Variants in GOLM2 observed in about 807,000 individuals in gnomAD.
The protein encoded by GOLM2 is protein GOLM2.
A neutral mutation model predicts 55.9 loss-of-function variants in GOLM2; 26 were observed. The observed-to-expected ratio is 0.47, with a 90% CI of 0.34 to 0.65. The LOEUF is 0.65. GOLM2 is among the 30% of genes least tolerant of loss of function. The pLI is 0.01. For synonymous variants in GOLM2, 165 were observed against 194.6 expected (o/e 0.85, Z 1.27); for missense variants, 486 against 531.8 (o/e 0.91, Z 0.85).
At position 44,415,189 on chromosome 15, in the gene GOLM2, T is replaced by C. The variant is rs1415398068; in HGVS notation, c.*1783T>C. 1 of 152,612 alleles carries C rather than the reference T, an allele frequency of 6.6e-6. No individual in the cohort carries two copies. Among genetic ancestry groups the C allele is most frequent in the African/African-American group, 2.4e-5 (1 of 41,454 alleles). The allele number at this position is 152,612 out of a possible 1,614,324, so 9.5% of individuals were successfully genotyped here. On this transcript the variant is annotated 3_prime_UTR_variant, in exon 10 of 10. Coordinates refer to ENST00000299957, the MANE Select transcript of GOLM2 (RefSeq NM_138423.4). ...TAGTAGTTTACTAAAATTGTTTTTC[T>C]ACCATATCAAATTAAACAATTCATG...
chr15:44,334,117 TATTA>T (rs751973510), intron 4 of GOLM2, among the ~76,000 whole-genome samples: 9 of 152,322 alleles, frequency 5.9e-5, no homozygotes, highest in Non-Finnish European at 1.2e-4. Flanking sequence ...ATTTTTATGT[TATTA>T]ATTAACTAAT....
chr15:44,377,851 G>T (rs1426398769), intron 6 of GOLM2, among the ~76,000 whole-genome samples: 1 of 151,034 alleles, frequency 6.6e-6, no homozygotes, highest in East Asian at 1.9e-4. Flanking sequence ...TAATTTTAAG[G>T]TATACAGTAT....
intron 6 of GOLM2, among the ~76,000 whole-genome samples, chr15:44,358,829 A>G (rs1466304341): frequency 6.6e-6 from 1 of 152,156 alleles, no homozygotes; most frequent in Admixed American, 6.6e-5. Context: ...CGATCCATGA[A>G]AGAAATAATT....
chr15:44,359,873 C>A (rs2079225029), intron 6 of GOLM2, among the ~76,000 whole-genome samples: 1 of 152,084 alleles, frequency 6.6e-6, no homozygotes, highest in South Asian at 2.1e-4. Flanking sequence ...ACTCGATAAG[C>A]CAGAAGAGAG....
chr15:44,356,769 A>G (rs1295273079), intron 6 of GOLM2, among the ~76,000 whole-genome samples: 1 of 152,192 alleles, frequency 6.6e-6, no homozygotes, highest in Non-Finnish European at 1.5e-5. Context: ...CTACAGACCA[A>G]TGTCTCTCAT....
intron 1 of GOLM2, among the ~76,000 whole-genome samples, chr15:44,313,797 G>A (rs1355492186): frequency 6.6e-6 from 1 of 152,084 alleles, no homozygotes; most frequent in Admixed American, 6.5e-5. Flanking sequence ...CTCACTAAGT[G>A]CTTTATAAAT....
At chr15:44,374,952 T>G (rs2079354225) in intron 6 of GOLM2, among the ~76,000 whole-genome samples, 1 of 152,344 alleles carries the variant, frequency 6.6e-6, no homozygotes, top group Admixed American at 6.5e-5. Flanking sequence ...ATTTTTCCCC[T>G]GGCTCTCTGG....
intron 2 of GOLM2, among the ~76,000 whole-genome samples, chr15:44,325,588 A>G (rs1304089279): frequency 1.3e-5 from 2 of 152,222 alleles, no homozygotes; most frequent in East Asian, 3.8e-4. Flanking sequence ...TGAGTCCGAA[A>G]GATCACCAAT....
In GOLM2 at chr15:44,390,709, AC is replaced by A. The variant is rs2079481805; in HGVS notation, c.1072+9734del. Reference sequence around the variant, plus strand: ...CTCAGCCTCCCAAGTAACTGGGATTACAGGCATGCACCACCACGCCCGGCTA... The same window carrying A: ...CTCAGCCTCCCAAGTAACTGGGATTAAGGCATGCACCACCACGCCCGGCTA... On this transcript the variant is annotated intron_variant, in intron 8 of 9. Coordinates refer to ENST00000299957, the MANE Select transcript of GOLM2 (RefSeq NM_138423.4). 2.6e-5 allele frequency among the ~76,000 whole-genome samples: 4 copies of A among 152,070 alleles called. No individual in the cohort carries two copies. The South Asian group carries it at 8.3e-4, about 32-fold the overall frequency.
intron 6 of GOLM2, among the ~76,000 whole-genome samples, chr15:44,344,069 G>C (rs1412632528): frequency 1.3e-5 from 2 of 151,590 alleles, no homozygotes; most frequent in African/African-American, 2.4e-5. Context: ...AGACCAGCCT[G>C]AGCAACATGA....
chr15:44,410,137 C>T (rs1042104898), intron 9 of GOLM2, among the ~76,000 whole-genome samples: 8 of 151,848 alleles, frequency 5.3e-5, no homozygotes, highest in Non-Finnish European at 8.8e-5. Context: ...TGATTATTTT[C>T]CCTTTTAAAA....
chr15:44,376,332 G>A (rs2079364906), intron 6 of GOLM2, among the ~76,000 whole-genome samples: 1 of 152,150 alleles, frequency 6.6e-6, no homozygotes, highest in South Asian at 2.1e-4. Flanking sequence ...GGAGTGCAGT[G>A]GTGGCTCACT....
At chr15:44,365,012 ATGATCC>A (rs2141177285) in intron 6 of GOLM2, among the ~76,000 whole-genome samples, 1 of 152,324 alleles carries the variant, frequency 6.6e-6, no homozygotes, top group Admixed American at 6.5e-5. Context: ...CTTTGACCGT[ATGATCC>A]TGAAATCTTA....
intron 3 of GOLM2, among the ~76,000 whole-genome samples, chr15:44,331,745 A>G (rs1336783747): frequency 6.6e-6 from 1 of 152,126 alleles, no homozygotes; most frequent in Non-Finnish European, 1.5e-5. Flanking sequence ...TAGGAAAAGA[A>G]TTGTTTTTAT....
intron 6 of GOLM2, among the ~76,000 whole-genome samples, chr15:44,349,239 A>G (rs2079145176): frequency 1.3e-5 from 2 of 150,866 alleles, no homozygotes; most frequent in Non-Finnish European, 3.0e-5. Flanking sequence ...AGCCTGGGCA[A>G]CAAGAGTGAA....
At chr15:44,392,536 T>C (rs1160633536) in intron 8 of GOLM2, among the ~76,000 whole-genome samples, 2 of 151,178 alleles carry the variant, frequency 1.3e-5, no homozygotes, top group Non-Finnish European at 2.9e-5. Context: ...GGCTGGAGAA[T>C]CGCTTGAACC....
chr15:44,308,169 T>C (rs1461336813), intron 1 of GOLM2: 2 of 152,196 alleles, frequency 1.3e-5, no homozygotes, highest in Non-Finnish European at 2.9e-5. Flanking sequence ...TCTAGAACTT[T>C]TTCACGATCC....
intron 6 of GOLM2, among the ~76,000 whole-genome samples, chr15:44,369,093 A>ACATAT: frequency 1.1e-5 from 1 of 89,196 alleles, no homozygotes; most frequent in African/African-American, 4.2e-5. Context: ...ATATATATAT[A>ACATAT]TATATATATA....
chr15:44,352,320 A>G (rs181088826), intron 6 of GOLM2, among the ~76,000 whole-genome samples: 75 of 152,316 alleles, frequency 4.9e-4, no homozygotes, highest in Non-Finnish European at 1.5e-4. Flanking sequence ...GCACTGGGGA[A>G]AGGACAGTCT....
Sources: gnomAD v4.1 joint callset for allele counts (sites outside exome capture counted in the v4.1 genomes callset) on GRCh38, gnomAD v4.1.1 for gene constraint, MANE v1.5 for transcripts, NCBI Gene and HGNC (gene_info 2026-07-23, HGNC 2026-07-21) for gene names.